Variants in SPATA6 observed in about 807,000 individuals in gnomAD.
SPATA6 encodes the protein spermatogenesis associated 6, also known as spermatogenesis-associated protein 6.
SPATA6 carries 56 observed loss-of-function variants against 65.3 expected under a neutral mutation model. The ratio of observed to expected loss-of-function variants is 0.86; its 90% CI spans 0.69 to 1.07. The LOEUF is 1.07. Ranked by LOEUF, SPATA6 falls within the 50% of genes least tolerant of loss-of-function variation. The pLI, the probability that SPATA6 is intolerant of heterozygous loss-of-function variation, is 0.00. For synonymous variants in SPATA6, 199 were observed against 213.2 expected, an observed-to-expected ratio of 0.93 and a Z score of 0.58; for missense variants, 590 against 594.8, an observed-to-expected ratio of 0.99 and a Z score of 0.08.
At chr1:48,282,832 G>A in the SPATA6 span, among the ~76,000 whole-genome samples, 8 of 152,152 alleles carry the variant, frequency 5.3e-5, no homozygotes, top group East Asian at 1.9e-4. Flanking sequence ...CCCATTACTC[G>A]GTATATACCC....
rs576566445 is a variant in SPATA6 at position 48,430,332 on chromosome 1, T to C, written c.239-17181A>G. 7.2e-5 allele frequency among the ~76,000 whole-genome samples: 11 copies of C among 152,156 alleles called. No individual in the cohort carries two copies. In the South Asian group the frequency reaches 1.5e-3, roughly 20 times the overall value. On this transcript the variant is annotated intron_variant, in intron 3 of 12. Transcript: ENST00000371847. ...GGTCAGAAGGCAGTAGGCTCGTATA[T>C]ACAAAATATTTAAAGAAAAAACTAA...
chr1:48,271,909 G>T, the SPATA6 span, among the ~76,000 whole-genome samples: 2 of 152,078 alleles, frequency 1.3e-5, no homozygotes, highest in African/African-American at 4.8e-5. Flanking sequence ...TTGTTGACTT[G>T]TCTGTCCCAC....
At chr1:48,302,833 C>T (rs1432203280) in intron 12 of SPATA6, among the ~76,000 whole-genome samples, 1 of 152,050 alleles carries the variant, frequency 6.6e-6, no homozygotes, top group East Asian at 1.9e-4. Flanking sequence ...TCTTTACTGT[C>T]TGCCCCAACC....
intron 12 of SPATA6, among the ~76,000 whole-genome samples, chr1:48,304,079 T>G (rs1449909411): frequency 6.6e-6 from 1 of 152,162 alleles, no homozygotes; most frequent in African/African-American, 2.4e-5. Context: ...CTCTAACCTT[T>G]GAGATGGAAA....
chr1:48,467,229 CTA>C (rs1443647864), intron 1 of SPATA6, among the ~76,000 whole-genome samples: 3 of 152,190 alleles, frequency 2.0e-5, no homozygotes, highest in South Asian at 2.1e-4. Context: ...CCAAACCTTT[CTA>C]TGTTTTTACT....
Position 48,359,613 on chromosome 1 carries a change from A to G in SPATA6, c.1067T>C (p.Val356Ala). ...TTCCCTGAGAGAAGCTCTATTTAAC[A>G]CAGGGCTTGGAGAATGCTTTGGCAT... ...STMPKHSPSP[V>A]LNRASLRERF... The change falls in exon 10 of 13, where the codon GTG becomes GCG. Residue 356 changes from valine to alanine, a missense_variant. Physicochemically the swap from Val to Ala is moderately conservative, Grantham distance 64. Transcript: ENST00000371847. The G allele has an allele frequency of 6.2e-7, 1 of 1,613,506 alleles. No homozygotes were observed. The highest frequency in any genetic ancestry group is 8.5e-7 in the Non-Finnish European group (1 of 1,179,582).
intron 9 of SPATA6, among the ~76,000 whole-genome samples, chr1:48,379,245 C>T (rs562775729): frequency 7.0e-4 from 107 of 152,262 alleles, no homozygotes; most frequent in Non-Finnish European, 1.2e-3. Flanking sequence ...CATCAGAACT[C>T]GTGAGAACTC....
chr1:48,377,431 A>T (rs1259397996), intron 9 of SPATA6, among the ~76,000 whole-genome samples: 1 of 151,992 alleles, frequency 6.6e-6, no homozygotes, highest in African/African-American at 2.4e-5. Context: ...TCCCTTTTCT[A>T]TTGCAGATGC....
chr1:48,317,407 C>T (rs1645464683), intron 11 of SPATA6, among the ~76,000 whole-genome samples: 1 of 152,034 alleles, frequency 6.6e-6, no homozygotes, highest in Non-Finnish European at 1.5e-5. Flanking sequence ...AACCATCATT[C>T]TCAGCAAACT....
At chr1:48,314,295 A>G (rs892640296) in intron 11 of SPATA6, among the ~76,000 whole-genome samples, 3 of 152,172 alleles carry the variant, frequency 2.0e-5, no homozygotes, top group Non-Finnish European at 4.4e-5. Context: ...TTGGAAGTAA[A>G]GCACTCCTCA....
chr1:48,450,999 T>C (rs2148150506), intron 3 of SPATA6, among the ~76,000 whole-genome samples: 1 of 152,358 alleles, frequency 6.6e-6, no homozygotes, highest in South Asian at 2.1e-4. Flanking sequence ...TTTGCATTGC[T>C]GCTCTCACAA....
intron 5 of SPATA6, among the ~76,000 whole-genome samples, chr1:48,404,301 G>A (rs759710228): frequency 9.9e-5 from 15 of 151,932 alleles, no homozygotes; most frequent in African/African-American, 2.2e-4. Flanking sequence ...ATTCCACAAC[G>A]TATACATATA....
At chr1:48,471,879 G>A in intron 1 of SPATA6, 79 bp downstream of exon 1, 1 of 1,519,102 alleles carries the variant, frequency 6.6e-7, no homozygotes, top group South Asian at 1.1e-5. Context: ...GAGGTTTGGG[G>A]GTGGTTCCGG....
chr1:48,335,162 G>C (rs1646025547), intron 11 of SPATA6, among the ~76,000 whole-genome samples: 1 of 152,036 alleles, frequency 6.6e-6, no homozygotes, highest in African/African-American at 2.4e-5. Context: ...AAAATTCCAT[G>C]CTCATGGATA....
At chr1:48,266,449 T>C in the SPATA6 span, among the ~76,000 whole-genome samples, 19 of 152,214 alleles carry the variant, frequency 1.2e-4, no homozygotes, top group South Asian at 4.1e-4. Context: ...ATGTAAATTA[T>C]AATCCCTGTT....
intron 3 of SPATA6, among the ~76,000 whole-genome samples, chr1:48,442,771 C>G (rs889314951): frequency 7.2e-6 from 1 of 139,356 alleles, no homozygotes; most frequent in African/African-American, 2.7e-5. Context: ...CTTTAAAAGC[C>G]AGGGTAAATT....
chr1:48,287,370 T>C, the SPATA6 span, among the ~76,000 whole-genome samples: 1 of 152,216 alleles, frequency 6.6e-6, no homozygotes, highest in Non-Finnish European at 1.5e-5. Context: ...TACATTTCAA[T>C]ATGAGATTTG....
At chr1:48,437,643 G>C (rs1291519653) in intron 3 of SPATA6, among the ~76,000 whole-genome samples, 3 of 152,064 alleles carry the variant, frequency 2.0e-5, no homozygotes. Flanking sequence ...AAACCAACAG[G>C]CTAGTTTATC....
rs199827948 is a variant in SPATA6, at chr1:48,448,492, G to GA, written c.238+3059dup. 4.9e-3 allele frequency among the ~76,000 whole-genome samples: 667 copies of GA among 136,640 alleles called. 1 individual carries two copies. Among genetic ancestry groups the GA allele is most frequent in the African/African-American group, 0.015 (541 of 35,136 alleles). The allele number at this position is 136,640 out of a possible 152,430, so 89.6% of individuals were successfully genotyped here. On this transcript the variant is annotated intron_variant, in intron 3 of 12. Transcript: ENST00000371847. ...ACAAGTTTATTCAGTGTCCCCACAG[G>GA]AAAAAAAAAAAAAAAGACGTTCTCC...
Sources: allele counts gnomAD v4.1 joint callset (sites outside exome capture counted in the v4.1 genomes callset), GRCh38; gene constraint gnomAD v4.1.1; transcripts MANE v1.5; gene names NCBI Gene and HGNC (gene_info 2026-07-23, HGNC 2026-07-21).